Variants in RORA observed in about 807,000 individuals in gnomAD.
RORA encodes RAR related orphan receptor A, also known as nuclear receptor ROR-alpha.
RORA carries 7 observed loss-of-function variants against 69.5 expected under a neutral mutation model. The observed-to-expected ratio is 0.10, with a 90% CI of 0.06 to 0.19. The LOEUF is 0.19. Among genes scored for constraint, RORA ranks in the 10% least tolerant of loss-of-function variants. RORA has a pLI of 1.00. For missense variants in RORA, 457 were observed against 663.0 expected (o/e 0.69, Z 3.41); for synonymous variants, 261 against 240.8 (o/e 1.08, Z -0.78).
chr15:61,206,687 A>G (rs1283357221), intron 1 of RORA, among the ~76,000 whole-genome samples: 14 of 152,184 alleles, frequency 9.2e-5, no homozygotes, highest in Admixed American at 9.2e-4. Context: ...GGAGAAAAGG[A>G]TAAGGATGTG....
At chr15:60,733,384 C>T (rs2071455054) in intron 1 of RORA, among the ~76,000 whole-genome samples, 1 of 152,202 alleles carries the variant, frequency 6.6e-6, no homozygotes, top group Non-Finnish European at 1.5e-5. Context: ...GGTAAATCCC[C>T]AGGGCATGCA....
intron 1 of RORA, among the ~76,000 whole-genome samples, chr15:61,044,801 C>A (rs1429463719): frequency 1.3e-5 from 2 of 152,182 alleles, no homozygotes; most frequent in Non-Finnish European, 2.9e-5. Context: ...AGGCCCCATC[C>A]CAGACCTACT....
rs75977620 is a variant in RORA at position 60,945,646 on chromosome 15, A to T, written c.167-266960T>A. Among the ~76,000 whole-genome samples, 46 of 152,354 alleles carry T rather than the reference A, an allele frequency of 3.0e-4. No individual in the cohort carries two copies. In the East Asian group the frequency reaches 5.2e-3, roughly 17 times the overall value. ...CATTCAGAAGTAGTGTTAGAAATAA[A>T]GGATTGCAGACAAAACTGTACTTTG... is the stretch of plus-strand genomic sequence containing the variant. On this transcript the variant is annotated intron_variant, in intron 1 of 10. Transcript: ENST00000335670.
intron 2 of RORA, among the ~76,000 whole-genome samples, chr15:60,588,549 A>G (rs1322940525): frequency 1.3e-5 from 2 of 152,214 alleles, no homozygotes; most frequent in Non-Finnish European, 2.9e-5. Flanking sequence ...AGCAAATAAG[A>G]AAGTGGTTGG....
At chr15:61,081,127 T>C (rs1325300767) in intron 1 of RORA, among the ~76,000 whole-genome samples, 3 of 152,168 alleles carry the variant, frequency 2.0e-5, no homozygotes, top group African/African-American at 4.8e-5. Flanking sequence ...ATGGAGAGCC[T>C]CACATCTGTT....
chr15:61,180,862 G>A (rs578007517), intron 1 of RORA, among the ~76,000 whole-genome samples: 1 of 152,258 alleles, frequency 6.6e-6, no homozygotes, highest in Non-Finnish European at 1.5e-5. Flanking sequence ...ACTTTGGGAG[G>A]CCAAAGCAGG....
At chr15:61,043,995 C>T (rs914881665) in intron 1 of RORA, among the ~76,000 whole-genome samples, 1 of 152,078 alleles carries the variant, frequency 6.6e-6, no homozygotes, top group Non-Finnish European at 1.5e-5. Flanking sequence ...CAGAAACAAA[C>T]CTAAAAAGAG....
chr15:60,490,514 C>T lies in RORA; in HGVS notation c.*6941G>A, dbSNP rs1210410207. The T allele has an allele frequency of 6.6e-6, 1 of 151,992 alleles. No homozygotes were observed. The highest frequency in any genetic ancestry group is 1.5e-5 in the Non-Finnish European group (1 of 67,966). 9.4% of individuals were successfully genotyped at this position (151,992 alleles called of 1,614,324 possible). On this transcript the variant is annotated 3_prime_UTR_variant, in exon 11 of 11. Coordinates refer to ENST00000335670, the MANE Select transcript of RORA (RefSeq NM_134261.3). The surrounding 1 kb of genome is among the most constrained non-coding windows in gnomAD (Gnocchi z 4.1). ...TGCAGAACAACATTAAATATTATGA[C>T]TCAAAAGCAGGGACAGGTAAATTTG...
intron 1 of RORA, among the ~76,000 whole-genome samples, chr15:61,203,755 A>G (rs1020783590): frequency 2.0e-5 from 3 of 152,248 alleles, no homozygotes; most frequent in African/African-American, 7.2e-5. Context: ...AACATATCAT[A>G]GTGACCCTGC....
chr15:61,121,113 G>T (rs2079099928), intron 1 of RORA, among the ~76,000 whole-genome samples: 1 of 152,106 alleles, frequency 6.6e-6, no homozygotes, highest in Non-Finnish European at 1.5e-5. Flanking sequence ...GCCTCCCAAA[G>T]TGCTGGGGTT....
At chr15:61,187,473 G>A (rs2079755277) in intron 1 of RORA, among the ~76,000 whole-genome samples, 1 of 152,160 alleles carries the variant, frequency 6.6e-6, no homozygotes, top group African/African-American at 2.4e-5. Context: ...AGGATAGGGA[G>A]ATCTGAGGGA....
At chr15:60,606,706 A>T (rs1027398426) in intron 2 of RORA, among the ~76,000 whole-genome samples, 1 of 152,214 alleles carries the variant, frequency 6.6e-6, no homozygotes, top group Admixed American at 6.5e-5. Context: ...CACTAGTAGA[A>T]GGTAAGCAGT....
At chr15:60,888,476 A>G (rs117374598) in intron 1 of RORA, among the ~76,000 whole-genome samples, 2,740 of 152,230 alleles carry the variant, frequency 0.018, 37 homozygotes, top group Admixed American at 0.027. Context: ...ACACACACAC[A>G]CGCACATATA....
intron 1 of RORA, among the ~76,000 whole-genome samples, chr15:60,894,467 C>T (rs947824189): frequency 4.3e-4 from 66 of 152,286 alleles, no homozygotes; most frequent in Non-Finnish European, 4.9e-4. Context: ...GATGAGGCTT[C>T]CGAAGTCACA....
chr15:60,503,797 CTTATTTTATT>C lies in RORA; in HGVS notation c.943-140_943-131del, dbSNP rs538292360. 6 of 1,064,858 alleles carry C rather than the reference CTTATTTTATT, an allele frequency of 5.6e-6. No individual in the cohort carries two copies. In the Admixed American group the frequency reaches 1.1e-4, roughly 19 times the overall value. The allele number at this position is 1,064,858 out of a possible 1,614,324, so 66.0% of individuals were successfully genotyped here. On this transcript the variant is annotated intron_variant, in intron 6 of 10. Transcript: ENST00000335670. ...GCCACGAAGAGTGGCAAAGTGGGAT[CTTATTTTATT>C]TTATTTTATTTTTGAGATGGAGTCT...
At chr15:60,683,892 T>A (rs2070697396) in intron 1 of RORA, among the ~76,000 whole-genome samples, 1 of 152,194 alleles carries the variant, frequency 6.6e-6, no homozygotes, top group South Asian at 2.1e-4. Context: ...GGAAATGTCA[T>A]GAAAATATCA....
intron 1 of RORA, among the ~76,000 whole-genome samples, chr15:61,066,879 C>CAAAAAAAAAAAAAAAAAAAAAA (rs33936803): frequency 1.4e-5 from 1 of 71,294 alleles, no homozygotes; most frequent in African/African-American, 5.6e-5. Flanking sequence ...TTCATAAGAC[C>CAAAAAAAAAAAAAAAAAAAAAA]AAAAAAAAAA....
chr15:60,896,218 T>G (rs1422595549), intron 1 of RORA, among the ~76,000 whole-genome samples: 1 of 152,236 alleles, frequency 6.6e-6, no homozygotes, highest in East Asian at 1.9e-4. Context: ...GCCATTTTCC[T>G]GTCTGCTTCC....
intron 1 of RORA, among the ~76,000 whole-genome samples, chr15:60,906,261 C>T (rs1365868713): frequency 2.6e-5 from 4 of 152,178 alleles, no homozygotes; most frequent in Admixed American, 2.0e-4. Context: ...TTCTTGCTGC[C>T]TAATTGCACC....
Sources: gnomAD v4.1 joint callset for allele counts (sites outside exome capture counted in the v4.1 genomes callset) on GRCh38, gnomAD v4.1.1 for gene constraint, Gnocchi (gnomAD v3.1) non-coding constraint, MANE v1.5 for transcripts, NCBI Gene and HGNC (gene_info 2026-07-23, HGNC 2026-07-21) for gene names.